Variants in GBF1 observed in about 807,000 individuals in gnomAD.
The protein encoded by GBF1 is Golgi-specific brefeldin A-resistance guanine nucleotide exchange factor 1.
A neutral mutation model predicts 210.5 loss-of-function variants in GBF1; 114 were observed. The ratio of observed to expected loss-of-function variants is 0.54; its 90% CI spans 0.47 to 0.63. The LOEUF is 0.63. Among genes scored for constraint, GBF1 ranks in the 30% least tolerant of loss-of-function variants. GBF1 has a pLI of 0.00. For synonymous variants in GBF1, 850 were observed against 889.2 expected, an observed-to-expected ratio of 0.96 and a Z score of 0.78; for missense variants, 1,851 against 2,357.7, an observed-to-expected ratio of 0.79 and a Z score of 4.45.
chr10:102,381,115 T>C lies in GBF1; in HGVS notation c.5174-12T>C. On this transcript the variant is annotated splice_polypyrimidine_tract_variant and intron_variant, in intron 38 of 39. Transcript: ENST00000369983. Reference sequence around the variant, plus strand: ...ACTAAGAGGTGCCATCTCAATTCTCTACCGTCTCCAGACCCCATGCCCATG... The same window carrying C: ...ACTAAGAGGTGCCATCTCAATTCTCCACCGTCTCCAGACCCCATGCCCATG... 1.9e-6 allele frequency: 3 copies of C among 1,613,114 alleles called. No homozygotes were observed. Among genetic ancestry groups the C allele is most frequent in the Non-Finnish European group, 2.5e-6 (3 of 1,179,386 alleles).
At position 102,293,765 on chromosome 10, in the gene GBF1, TTTTGTG is replaced by T. The variant is rs1243191427; in HGVS notation, c.163+33653_163+33658del. Among the ~76,000 whole-genome samples, 260 of 28,154 alleles carry T rather than the reference TTTTGTG, an allele frequency of 9.2e-3. 47 individuals carry two copies. Among genetic ancestry groups the T allele is most frequent in the East Asian group, 0.028 (34 of 1,200 alleles). 18.5% of individuals were successfully genotyped at this position (28,154 alleles called of 152,430 possible). The stretch of plus-strand genomic sequence containing the variant: ...AAATATTTTGTACAGCTGTAGTATG[TTTTGTG>T]TTTTTTTTTTTTTTTTTTTTTTTTG... On this transcript the variant is annotated intron_variant, in intron 3 of 39. Transcript: ENST00000369983.
chr10:102,356,539 G>C (rs1219888641), intron 8 of GBF1, among the ~76,000 whole-genome samples: 1 of 152,146 alleles, frequency 6.6e-6, no homozygotes, highest in African/African-American at 2.4e-5. Context: ...GCCAAGGCGG[G>C]CGGATCACGA....
Position 102,366,240 on chromosome 10 carries a change from GATGAACAGGAGAT to G in GBF1, c.2310-141_2310-129del. Reference sequence around the variant, plus strand: ...TATTAAGGCTAGGGGTTGTGTTAGGGATGAACAGGAGATACTGCCCCTTTACTAGAGACCTCAG... The same window carrying G: ...TATTAAGGCTAGGGGTTGTGTTAGGGACTGCCCCTTTACTAGAGACCTCAG... On this transcript the variant is annotated intron_variant, in intron 18 of 39. Transcript: ENST00000369983. The surrounding 1 kb of genome is among the most constrained non-coding windows in gnomAD (Gnocchi z 4.0). 1 of 758,184 alleles carries G rather than the reference GATGAACAGGAGAT, an allele frequency of 1.3e-6. No homozygotes were observed. The highest frequency in any genetic ancestry group is 1.7e-5 in the African/African-American group (1 of 57,582). The allele number at this position is 758,184 out of a possible 1,614,324, so 47.0% of individuals were successfully genotyped here. A position where few individuals can be genotyped will look rare whatever the true frequency, so the allele number is the denominator to read the frequency against.
At chr10:102,360,847 C>T (rs146096366) in intron 12 of GBF1, among the ~76,000 whole-genome samples, 175 bp from the exon 13 acceptor site, 241 of 152,122 alleles carry the variant, frequency 1.6e-3, no homozygotes, top group African/African-American at 5.7e-3. Context: ...TGGTGACGTG[C>T]GCCTGTAATC....
chr10:102,261,160 G>A (rs969458942), intron 3 of GBF1, among the ~76,000 whole-genome samples: 2 of 152,076 alleles, frequency 1.3e-5, no homozygotes, highest in Admixed American at 6.6e-5. Flanking sequence ...TCTGTTGCCT[G>A]GTTTAGGGCT....
chr10:102,259,716 G>A (rs957872602), intron 2 of GBF1, among the ~76,000 whole-genome samples: 4 of 152,148 alleles, frequency 2.6e-5, no homozygotes, highest in Non-Finnish European at 5.9e-5. Flanking sequence ...TCTTTGAAAT[G>A]AATATGTATG....
intron 17 of GBF1, among the ~76,000 whole-genome samples, chr10:102,364,586 C>T (rs570632576): frequency 5.0e-4 from 75 of 151,320 alleles, no homozygotes; most frequent in Admixed American, 1.6e-3. Context: ...CAGTGGCTCA[C>T]GCCTGTAATC....
intron 22 of GBF1, 83 bp from the exon 23 acceptor site, chr10:102,368,656 G>GA: frequency 1.0e-6 from 1 of 967,822 alleles, no homozygotes; most frequent in Non-Finnish European, 1.7e-6. Flanking sequence ...GACTGGGGAA[G>GA]AGCCCCATGC....
At chr10:102,355,685 T>C (rs995173988) in intron 8 of GBF1, among the ~76,000 whole-genome samples, 1 of 152,334 alleles carries the variant, frequency 6.6e-6, no homozygotes, top group East Asian at 1.9e-4. Flanking sequence ...TCTCAATGAC[T>C]GACTGGCTTC....
rs78310925 is a variant in GBF1 at position 102,327,153 on chromosome 10, G to A, written c.164-16898G>A. ...TCAGGGGGCTGGCACCAAACAGGGA[G>A]GCTGGAGTAGGGTTTCAAACACCTG... On this transcript the variant is annotated intron_variant, in intron 3 of 39. Transcript: ENST00000369983. Among the ~76,000 whole-genome samples, 53 of 152,326 alleles carry A rather than the reference G, an allele frequency of 3.5e-4. No homozygotes were observed. The East Asian group carries it at 9.6e-3, about 28-fold the overall frequency.
chr10:102,295,644 TGGG>T (rs2076849322), intron 3 of GBF1, among the ~76,000 whole-genome samples: 1 of 152,206 alleles, frequency 6.6e-6, no homozygotes, highest in South Asian at 2.1e-4. Context: ...AGGCTGGGTT[TGGG>T]ATATTTGGGC....
Position 102,363,143 on chromosome 10 carries a change from G to A in GBF1, c.1877-113G>A. The A allele has an allele frequency of 2.1e-6, 2 of 936,666 alleles. No individual in the cohort carries two copies. Among genetic ancestry groups the A allele is most frequent in the Non-Finnish European group, 3.1e-6 (2 of 636,162 alleles). 58.0% of individuals were successfully genotyped at this position (936,666 alleles called of 1,614,324 possible). On this transcript the variant is annotated intron_variant, in intron 15 of 39. Transcript: ENST00000369983. The surrounding 1 kb of genome is among the most constrained non-coding windows in gnomAD (Gnocchi z 4.2). Reference sequence around the variant, plus strand: ...CTTGGGTTTGTCCTGCTCAGGGCTGGCGCCCTGTGCAGGAACCATGCAGGT... The same window carrying A: ...CTTGGGTTTGTCCTGCTCAGGGCTGACGCCCTGTGCAGGAACCATGCAGGT...
intron 3 of GBF1, among the ~76,000 whole-genome samples, chr10:102,308,714 G>A (rs1218580327): frequency 6.7e-6 from 1 of 148,954 alleles, no homozygotes; most frequent in African/African-American, 2.5e-5. Context: ...ATCACACTCT[G>A]GGGACTGTTG....
chr10:102,307,734 G>A lies in GBF1; in HGVS notation c.164-36317G>A, dbSNP rs532089305. Among the ~76,000 whole-genome samples the A allele has an allele frequency of 6.7e-4, 102 of 152,174 alleles. 1 individual carries two copies. Among genetic ancestry groups the A allele is most frequent in the African/African-American group, 2.0e-3 (84 of 41,524 alleles). Reference sequence around the variant, plus strand: ...TGAACCCGGGAGGCAGAGTTGCAACGAGCCGAGATCGCGCCATTGCACTCC... The same window carrying A: ...TGAACCCGGGAGGCAGAGTTGCAACAAGCCGAGATCGCGCCATTGCACTCC... On this transcript the variant is annotated intron_variant, in intron 3 of 39. Coordinates refer to ENST00000369983, the MANE Select transcript of GBF1 (RefSeq NM_001377137.1).
chr10:102,279,245 C>CT (rs2075274088), intron 3 of GBF1, among the ~76,000 whole-genome samples: 1 of 152,212 alleles, frequency 6.6e-6, no homozygotes, highest in Non-Finnish European at 1.5e-5. Context: ...TGAGGCTTGA[C>CT]TTGGAACTTG....
At chr10:102,347,042 C>A (rs1056674832) in intron 4 of GBF1, among the ~76,000 whole-genome samples, 1 of 151,996 alleles carries the variant, frequency 6.6e-6, no homozygotes, top group African/African-American at 2.4e-5. Flanking sequence ...CTTTGGATTT[C>A]TTTTTTAGTT....
chr10:102,341,978 T>C (rs1025298865), intron 3 of GBF1, among the ~76,000 whole-genome samples: 1 of 152,128 alleles, frequency 6.6e-6, no homozygotes. Flanking sequence ...ACAAACCAAA[T>C]TGTACATAAT....
At chr10:102,305,699 T>A (rs773325003) in intron 3 of GBF1, among the ~76,000 whole-genome samples, 5 of 152,192 alleles carry the variant, frequency 3.3e-5, no homozygotes, top group African/African-American at 4.8e-5. Context: ...TGGAGTGCCA[T>A]GACGCAAGAC....
intron 3 of GBF1, among the ~76,000 whole-genome samples, chr10:102,309,982 C>T (rs929630116): frequency 6.6e-6 from 1 of 152,078 alleles, no homozygotes; most frequent in African/African-American, 2.4e-5. Context: ...AAAATACAAC[C>T]AACTGTATTT....
Sources: allele counts gnomAD v4.1 joint callset (sites outside exome capture counted in the v4.1 genomes callset), GRCh38; gene constraint gnomAD v4.1.1; non-coding constraint Gnocchi (gnomAD v3.1); transcripts MANE v1.5; gene names NCBI Gene and HGNC (gene_info 2026-07-23, HGNC 2026-07-21).